Variants in KATNIP observed in about 807,000 individuals in gnomAD.
KATNIP encodes katanin interacting protein.
A neutral mutation model predicts 174.0 loss-of-function variants in KATNIP; 126 were observed. The ratio of observed to expected loss-of-function variants is 0.72; its 90% CI spans 0.63 to 0.84. The LOEUF (loss-of-function observed/expected upper bound fraction) is 0.84. Ranked by LOEUF, KATNIP falls within the 40% of genes least tolerant of loss-of-function variation. KATNIP has a pLI of 0.00. For synonymous variants in KATNIP, 810 were observed against 835.7 expected (o/e 0.97, Z 0.53); for missense variants, 1,958 against 2,109.7 (o/e 0.93, Z 1.41).
At chr16:27,560,985 G>A (rs1038573408) in intron 1 of KATNIP, among the ~76,000 whole-genome samples, 3 of 151,914 alleles carry the variant, frequency 2.0e-5, no homozygotes, top group Non-Finnish European at 4.4e-5. Flanking sequence ...AAGCTTCCAG[G>A]GACCGTGGCT....
rs2082307175 is a variant in KATNIP, at chr16:27,771,654, T to C, written c.4198+2T>C. The C allele has an allele frequency of 3.7e-6, 6 of 1,613,110 alleles. No homozygotes were observed. Among genetic ancestry groups the C allele is most frequent in the Middle Eastern group, 1.6e-4 (1 of 6,080 alleles). Reference sequence around the variant, plus strand: ...AGGCACCGCTGATGCCCTGTGGCTGTATCCTTCTCCTCCCGCCCCACCAGC... The same window carrying C: ...AGGCACCGCTGATGCCCTGTGGCTGCATCCTTCTCCTCCCGCCCCACCAGC... On this transcript the variant is annotated splice_donor_variant, in intron 22 of 27. Coordinates refer to ENST00000261588, the MANE Select transcript of KATNIP (RefSeq NM_015202.5). LOFTEE classifies it high-confidence loss of function.
intron 27 of KATNIP, 56 bp from the exon 28 acceptor site, chr16:27,778,518 C>T (rs1428850544): frequency 6.4e-7 from 1 of 1,560,648 alleles, no homozygotes; most frequent in Non-Finnish European, 8.8e-7. Context: ...GTGTGGGGCA[C>T]CCCTCCAGGG....
chr16:27,584,701 G>A lies in KATNIP; in HGVS notation c.63+10745G>A, dbSNP rs2090826300. On this transcript the variant is annotated intron_variant, in intron 2 of 27. Transcript: ENST00000261588. The stretch of plus-strand genomic sequence containing the variant: ...AGCTACTCAGGAGGCTGAGGCAGGA[G>A]AATCGCATGAACCCATGAGGCGGAG... Among the ~76,000 whole-genome samples the A allele has an allele frequency of 3.3e-5, 5 of 151,958 alleles. No homozygotes were observed. In the South Asian group the frequency reaches 1.0e-3, roughly 31 times the overall value.
chr16:27,699,919 T>C (rs4787982), intron 10 of KATNIP, among the ~76,000 whole-genome samples: 2 of 151,438 alleles, frequency 1.3e-5, no homozygotes, highest in African/African-American at 4.9e-5. Flanking sequence ...TTATTTATTT[T>C]TTTTTTTTTG....
At chr16:27,573,759 A>T in intron 1 of KATNIP, 142 bp from the exon 2 acceptor site, 1 of 726,932 alleles carries the variant, frequency 1.4e-6, no homozygotes, top group Non-Finnish European at 2.3e-6. Flanking sequence ...TTTTCCCATT[A>T]TAATAATAGG....
chr16:27,580,525 C>A (rs987122456), intron 2 of KATNIP, among the ~76,000 whole-genome samples: 3 of 152,196 alleles, frequency 2.0e-5, no homozygotes, highest in Non-Finnish European at 4.4e-5. Flanking sequence ...TCAGGGAATA[C>A]AATATTCCTG....
In KATNIP at chr16:27,758,205, A is replaced by G. The variant is rs2143962630; in HGVS notation, c.3632-3208A>G. Among the ~76,000 whole-genome samples the G allele has an allele frequency of 3.9e-5, 6 of 152,266 alleles. No individual in the cohort carries two copies. In the South Asian group the frequency reaches 1.2e-3, roughly 32 times the overall value. ...GAGGGAGGTGGCATTTCTCCCTCGC[A>G]CTGATCTCCATCATCCAAATCCACA... On this transcript the variant is annotated intron_variant, in intron 18 of 27. Coordinates refer to ENST00000261588, the MANE Select transcript of KATNIP (RefSeq NM_015202.5).
intron 9 of KATNIP, among the ~76,000 whole-genome samples, chr16:27,699,273 C>T (rs576851340): frequency 4.6e-5 from 7 of 152,234 alleles, no homozygotes; most frequent in South Asian, 2.1e-4. Flanking sequence ...TGCAAGTGGC[C>T]GAGATCTGCC....
chr16:27,772,414 C>A (rs1404786462), intron 22 of KATNIP, among the ~76,000 whole-genome samples: 1 of 152,248 alleles, frequency 6.6e-6, no homozygotes, highest in East Asian at 1.9e-4. Flanking sequence ...GCTCTCTAGC[C>A]AGCCAGTTCT....
chr16:27,706,441 G>A (rs1567325428), intron 12 of KATNIP, among the ~76,000 whole-genome samples: 1 of 152,160 alleles, frequency 6.6e-6, no homozygotes, highest in African/African-American at 2.4e-5. Flanking sequence ...ATGCTTTATG[G>A]CTGAGAAAAG....
In KATNIP at chr16:27,740,147, T is replaced by G. The variant is rs777355888; in HGVS notation, c.1850T>G (p.Ile617Ser). 2.7e-5 allele frequency: 44 copies of G among 1,614,022 alleles called. No individual in the cohort carries two copies. The highest frequency in any genetic ancestry group is 3.5e-5 in the Non-Finnish European group (41 of 1,180,044). Residue 617 changes from isoleucine (I) to serine (S), a missense_variant, in exon 15 of 28, where the codon ATC becomes AGC. Physicochemically the swap from Ile to Ser is moderately radical, Grantham distance 142. Transcript: ENST00000261588. ...AGGGAGGCCCCAGCTGACCACAGCA[T>G]CCTGGTTGACCAGAAGAACGAGAAG... ...GDREAPADHSILVDQKNEKSE... is the reference protein window; with the variant it reads ...GDREAPADHSSLVDQKNEKSE...
chr16:27,660,948 T>C (rs1347883397), intron 6 of KATNIP, among the ~76,000 whole-genome samples: 2 of 152,192 alleles, frequency 1.3e-5, no homozygotes, highest in East Asian at 3.8e-4. Flanking sequence ...ATAGAGTTGG[T>C]CTGCAAATAA....
rs528040397 is a variant in KATNIP, at chr16:27,631,258, G to A, written c.408+96G>A. ...ATCAGAGCATTTAAAACCCCCATGG[G>A]CCAGGCACAGTGGCTCCTTTATGCA... On this transcript the variant is annotated intron_variant, in intron 5 of 27. Transcript: ENST00000261588. 135 of 936,586 alleles carry A rather than the reference G, an allele frequency of 1.4e-4. 1 individual carries two copies. The South Asian group carries it at 1.9e-3, about 13-fold the overall frequency. The allele number at this position is 936,586 out of a possible 1,614,324, so 58.0% of individuals were successfully genotyped here.
rs1009628924 is a variant in KATNIP at position 27,765,446 on chromosome 16, C to T, written c.3810-863C>T. On this transcript the variant is annotated intron_variant, in intron 19 of 27. Transcript: ENST00000261588. ...TGGGAAGAGCATGAGGGGCTCCCTC[C>T]TACAGGTTAGAGGCTTCCCTGGGAT... is the stretch of plus-strand genomic sequence containing the variant. Among the ~76,000 whole-genome samples the T allele has an allele frequency of 2.0e-5, 3 of 152,180 alleles. 1 individual carries two copies. Among genetic ancestry groups the T allele is most frequent in the Admixed American group, 1.3e-4 (2 of 15,282 alleles).
chr16:27,615,366 T>G, intron 2 of KATNIP, among the ~76,000 whole-genome samples: 1 of 151,410 alleles, frequency 6.6e-6, no homozygotes, highest in Middle Eastern at 3.4e-3. Context: ...TATTATTATT[T>G]TTTTTTGAGA....
At position 27,575,447 on chromosome 16, in the gene KATNIP, C is replaced by A. The variant is rs114115236; in HGVS notation, c.63+1491C>A. On this transcript the variant is annotated intron_variant, in intron 2 of 27. Coordinates refer to ENST00000261588, the MANE Select transcript of KATNIP (RefSeq NM_015202.5). Reference sequence around the variant, plus strand: ...ATTTAGTGGAGGTGGGACAGGAGTGCAGGGGAGATAAATTGTGTGGCTCAT... The same window carrying A: ...ATTTAGTGGAGGTGGGACAGGAGTGAAGGGGAGATAAATTGTGTGGCTCAT... 9.5e-3 allele frequency among the ~76,000 whole-genome samples: 1,440 copies of A among 152,236 alleles called. 25 individuals are homozygous for A. The highest frequency in any genetic ancestry group is 0.033 in the African/African-American group (1,388 of 41,526).
intron 2 of KATNIP, among the ~76,000 whole-genome samples, chr16:27,607,398 G>C (rs374538413): frequency 6.6e-6 from 1 of 152,106 alleles, no homozygotes; most frequent in African/African-American, 2.4e-5. Context: ...TGCTGCGTGC[G>C]TTAAATAAGC....
At chr16:27,658,504 C>A (rs2077368213) in intron 6 of KATNIP, among the ~76,000 whole-genome samples, 1 of 152,024 alleles carries the variant, frequency 6.6e-6, no homozygotes, top group South Asian at 2.1e-4. Context: ...TTTAAAAAAT[C>A]AAAATTAAAA....
In KATNIP at chr16:27,740,841, G is replaced by C. The variant is rs1381446890; in HGVS notation, c.2544G>C (p.Glu848Asp). ...SDIFNQPPNR[E>D]RPASGRRGSR... ...TCTTTAACCAGCCCCCCAACAGAGAGCGCCCTGCTAGTGGGAGGAGGGGCT... is the reference window on the plus strand; with the variant it reads ...TCTTTAACCAGCCCCCCAACAGAGACCGCCCTGCTAGTGGGAGGAGGGGCT... The change falls in exon 15 of 28, where the codon GAG becomes GAC. Residue 848 changes from glutamate (E) to aspartate (D), a missense_variant. By Grantham distance (45) the Glu-to-Asp change is conservative (BLOSUM62 2). Transcript: ENST00000261588. The C allele has an allele frequency of 6.2e-7, 1 of 1,613,054 alleles. No homozygotes were observed. Among genetic ancestry groups the C allele is most frequent in the Non-Finnish European group, 8.5e-7 (1 of 1,179,586 alleles).
Sources: gnomAD v4.1 joint callset for allele counts (sites outside exome capture counted in the v4.1 genomes callset) on GRCh38, gnomAD v4.1.1 for gene constraint, MANE v1.5 for transcripts, NCBI Gene and HGNC (gene_info 2026-07-23, HGNC 2026-07-21) for gene names.